ATF7IP: variants seen among roughly 807,000 people sequenced by gnomAD.
The protein encoded by ATF7IP is activating transcription factor 7 interacting protein, also known as activating transcription factor 7-interacting protein 1.
In ATF7IP, 23 loss-of-function variants were observed where a neutral mutation model predicts 106.4. The observed-to-expected ratio is 0.22, with a 90% CI of 0.16 to 0.31. The LOEUF (loss-of-function observed/expected upper bound fraction) is 0.31, where lower values mean the gene tolerates loss of function less well. ATF7IP is among the 10% of genes least tolerant of loss of function. ATF7IP has a pLI of 1.00. For missense variants in ATF7IP, 1,334 were observed against 1,524.3 expected (o/e 0.88, Z 2.08); for synonymous variants, 542 against 539.0 (o/e 1.01, Z -0.08).
Position 14,379,250 on chromosome 12 carries a change from T to G in ATF7IP, c.-8+13423T>G, listed in dbSNP as rs148745742. Reference sequence around the variant, plus strand: ...GCACCTCTCACCTTTCTCTTGTTCTTGCCTCTGCCATGTGATGTGCATGCT... The same window carrying G: ...GCACCTCTCACCTTTCTCTTGTTCTGGCCTCTGCCATGTGATGTGCATGCT... On this transcript the variant is annotated intron_variant, in intron 1 of 14. Transcript: ENST00000261168. 6.9e-3 allele frequency among the ~76,000 whole-genome samples: 1,056 copies of G among 152,306 alleles called. 9 individuals carry two copies. Among genetic ancestry groups the G allele is most frequent in the African/African-American group, 0.024 (1,001 of 41,552 alleles).
chr12:14,416,213 GAATCT>G (rs1565492023), intron 1 of ATF7IP, among the ~76,000 whole-genome samples: 1 of 152,068 alleles, frequency 6.6e-6, no homozygotes, highest in South Asian at 2.1e-4. Flanking sequence ...GATTCTTAAA[GAATCT>G]AATAGCAGAG....
At chr12:14,393,390 A>G (rs967897796) in intron 1 of ATF7IP, among the ~76,000 whole-genome samples, 1 of 152,172 alleles carries the variant, frequency 6.6e-6, no homozygotes, top group African/African-American at 2.4e-5. Context: ...CCTCCAACCA[A>G]GAGTTAATTT....
chr12:14,436,344 A>C (rs1271181562), intron 4 of ATF7IP, 93 bp downstream of exon 4: 1 of 1,286,818 alleles, frequency 7.8e-7, no homozygotes, highest in Non-Finnish European at 1.1e-6. Context: ...TTTTATTGAC[A>C]TAATGTGGTT....
intron 1 of ATF7IP, among the ~76,000 whole-genome samples, chr12:14,399,489 A>G (rs567537045): frequency 6.6e-6 from 1 of 152,024 alleles, no homozygotes; most frequent in Non-Finnish European, 1.5e-5. Flanking sequence ...GTGTCAAAAA[A>G]TTTTATTTTG....
At chr12:14,440,126 G>A (rs1441425225) in intron 5 of ATF7IP, among the ~76,000 whole-genome samples, 2 of 152,058 alleles carry the variant, frequency 1.3e-5, no homozygotes. Context: ...CTTGGAAACC[G>A]ATCCCTCTCA....
In ATF7IP at chr12:14,498,189, G is replaced by C. The variant is rs1278141420; in HGVS notation, c.*116G>C. The C allele has an allele frequency of 1.0e-6, 1 of 966,754 alleles. No individual in the cohort carries two copies. The highest frequency in any genetic ancestry group is 1.5e-6 in the Non-Finnish European group (1 of 648,054). The allele number at this position is 966,754 out of a possible 1,614,324, so 59.9% of individuals were successfully genotyped here. A position where few individuals can be genotyped will look rare whatever the true frequency, so the allele number is the denominator to read the frequency against. On this transcript the variant is annotated 3_prime_UTR_variant, in exon 15 of 15. Transcript: ENST00000261168. The stretch of plus-strand genomic sequence containing the variant: ...CTTGTGCAAGATTTCTTGGACAGAT[G>C]TGTGTATACACTACATTTGTTTATA...
At chr12:14,443,330 G>T (rs912348197) in intron 5 of ATF7IP, among the ~76,000 whole-genome samples, 1 of 152,170 alleles carries the variant, frequency 6.6e-6, no homozygotes, top group Non-Finnish European at 1.5e-5. Flanking sequence ...AGAAAGATGA[G>T]ACTTCCATTA....
chr12:14,368,185 C>T (rs747100550), intron 1 of ATF7IP, among the ~76,000 whole-genome samples: 12 of 151,900 alleles, frequency 7.9e-5, no homozygotes, highest in Admixed American at 5.9e-4. Context: ...TAGAAATAAC[C>T]ACTCTAAAGG....
chr12:14,467,746 T>C (rs1943886697), intron 10 of ATF7IP, among the ~76,000 whole-genome samples: 1 of 152,236 alleles, frequency 6.6e-6, no homozygotes, highest in South Asian at 2.1e-4. Flanking sequence ...TTTGTCCTTT[T>C]GTAAATGGTG....
chr12:14,466,719 C>T, intron 10 of ATF7IP, 129 bp downstream of exon 10: 1 of 717,186 alleles, frequency 1.4e-6, no homozygotes, highest in Non-Finnish European at 2.3e-6. Context: ...AACATTGTCT[C>T]ACAGCTTCTC....
chr12:14,383,973 TTACA>T (rs796286878), intron 1 of ATF7IP, among the ~76,000 whole-genome samples: 8 of 152,296 alleles, frequency 5.3e-5, no homozygotes, highest in African/African-American at 1.7e-4. Flanking sequence ...ACTGAAGTTG[TTACA>T]TACATTATTC....
At chr12:14,476,080 G>A in intron 11 of ATF7IP, 112 bp downstream of exon 11, 1 of 836,988 alleles carries the variant, frequency 1.2e-6, no homozygotes, top group South Asian at 1.6e-5. Context: ...TGGTTTATTT[G>A]TGTTCTTTTT....
chr12:14,365,782 G>A lies in ATF7IP; in HGVS notation c.-53G>A, dbSNP rs1296124147. 1 of 153,990 alleles carries A rather than the reference G, an allele frequency of 6.5e-6. No homozygotes were observed. Among genetic ancestry groups the A allele is most frequent in the Non-Finnish European group, 1.5e-5 (1 of 68,336 alleles). The allele number at this position is 153,990 out of a possible 1,614,324, so 9.5% of individuals were successfully genotyped here. On this transcript the variant is annotated 5_prime_UTR_variant, in exon 1 of 15. Transcript: ENST00000261168. ...GGGGACGGCTGCGCGGGACGGCTCTGTAGGAAGGAACTTGGTTCCCCCTCC... is the reference window on the plus strand; with the variant it reads ...GGGGACGGCTGCGCGGGACGGCTCTATAGGAAGGAACTTGGTTCCCCCTCC...
At chr12:14,423,826 C>CAGAA in intron 1 of ATF7IP, 83 bp from the exon 2 acceptor site, 1 of 1,432,720 alleles carries the variant, frequency 7.0e-7, no homozygotes, top group Non-Finnish European at 9.3e-7. Flanking sequence ...GCTTGCATCT[C>CAGAA]TTCTAAGATC....
rs1203773235 is a variant in ATF7IP at position 14,424,460 on chromosome 12, G to A, written c.545G>A (p.Gly182Asp). ...GCAACCTCTGGTGATGCCCCTTCTG[G>A]TGATGTGTCCCCTGGTGATGCCACC... Reference protein sequence around the residue: ...GDATSGDAPSGDVSPGDATSG... With the variant: ...GDATSGDAPSDDVSPGDATSG... The change falls in exon 2 of 15, where the codon GGT becomes GAT. Residue 182 changes from glycine to aspartate, a missense_variant. Coordinates refer to ENST00000261168, the MANE Select transcript of ATF7IP (RefSeq NM_018179.5). 5.6e-6 allele frequency: 9 copies of A among 1,611,572 alleles called. No homozygotes were observed. Among genetic ancestry groups the A allele is most frequent in the African/African-American group, 1.3e-5 (1 of 74,810 alleles).
intron 1 of ATF7IP, among the ~76,000 whole-genome samples, chr12:14,375,029 T>TA (rs1938678161): frequency 6.6e-6 from 1 of 152,150 alleles, no homozygotes; most frequent in African/African-American, 2.4e-5. Flanking sequence ...AGACCACTAT[T>TA]AAAAGTGTAA....
chr12:14,382,883 G>A (rs987013649), intron 1 of ATF7IP, among the ~76,000 whole-genome samples: 9 of 152,300 alleles, frequency 5.9e-5, no homozygotes, highest in East Asian at 1.9e-4. Context: ...GGGGATGTGC[G>A]TATTAAGGAG....
At chr12:14,478,030 G>T (rs1944313692) in intron 11 of ATF7IP, among the ~76,000 whole-genome samples, 1 of 152,142 alleles carries the variant, frequency 6.6e-6, no homozygotes, top group South Asian at 2.1e-4. Flanking sequence ...TGCAAGTAAT[G>T]AGTTATTCTA....
chr12:14,456,446 T>G, intron 6 of ATF7IP, 115 bp from the exon 7 acceptor site: 1 of 634,540 alleles, frequency 1.6e-6, no homozygotes. Context: ...TGTTTCCCAT[T>G]ATATTAGAAC....
Sources: allele counts gnomAD v4.1 joint callset (sites outside exome capture counted in the v4.1 genomes callset), GRCh38; gene constraint gnomAD v4.1.1; transcripts MANE v1.5; gene names NCBI Gene and HGNC (gene_info 2026-07-23, HGNC 2026-07-21).